URI1: variants seen among roughly 807,000 people sequenced by gnomAD.
URI1 encodes the protein URI1 prefoldin like chaperone.
Under a neutral mutation model 60.2 loss-of-function variants are expected in URI1, and 39 were observed. That is an observed-to-expected ratio of 0.65 (90% CI 0.50 to 0.85). URI1 has a LOEUF of 0.85. Among genes scored for constraint, URI1 ranks in the 40% least tolerant of loss-of-function variants. URI1 has a pLI of 0.00. For missense variants in URI1, 691 were observed against 665.9 expected, an observed-to-expected ratio of 1.04 and a Z score of -0.42; for synonymous variants, 251 against 236.8, an observed-to-expected ratio of 1.06 and a Z score of -0.55.
intron 6 of URI1, among the ~76,000 whole-genome samples, chr19:30,006,901 T>C (rs2055950010): frequency 6.6e-6 from 1 of 152,044 alleles, no homozygotes; most frequent in African/African-American, 2.4e-5. Flanking sequence ...GTTTAAAAAG[T>C]AGAGATGTTC....
chr19:29,945,222 C>T (rs1428404278), intron 1 of URI1, among the ~76,000 whole-genome samples: 1 of 152,228 alleles, frequency 6.6e-6, no homozygotes, highest in Admixed American at 6.5e-5. Flanking sequence ...GAGTTCCTTA[C>T]ACACAGTGGG....
intron 10 of URI1, among the ~76,000 whole-genome samples, chr19:30,013,210 A>C (rs1484514159): frequency 6.6e-6 from 1 of 152,210 alleles, no homozygotes; most frequent in Non-Finnish European, 1.5e-5. Flanking sequence ...TTCAATTTAA[A>C]AAGTATTTAG....
chr19:29,948,011 C>A (rs531578325), intron 1 of URI1, among the ~76,000 whole-genome samples: 1 of 152,142 alleles, frequency 6.6e-6, no homozygotes, highest in African/African-American at 2.4e-5. Context: ...ACCTAGTTGT[C>A]CCATCAGCAT....
chr19:29,936,956 T>C (rs2054978777), intron 1 of URI1, among the ~76,000 whole-genome samples: 1 of 152,170 alleles, frequency 6.6e-6, no homozygotes, highest in Non-Finnish European at 1.5e-5. Flanking sequence ...TTCACCATGT[T>C]GGCCAGGCTG....
At chr19:30,004,514 T>G (rs187873164) in intron 4 of URI1, 2 of 152,204 alleles carry the variant, frequency 1.3e-5, no homozygotes, top group East Asian at 3.9e-4. Context: ...ATTGAGTGCC[T>G]GTTGTAAAAC....
intron 10 of URI1, among the ~76,000 whole-genome samples, chr19:30,013,749 C>G (rs1028437068): frequency 4.6e-5 from 7 of 152,048 alleles, no homozygotes; most frequent in Admixed American, 2.6e-4. Flanking sequence ...TAAAATACCT[C>G]TTTTTCAAAG....
chr19:29,927,952 C>A (rs2054884109), intron 1 of URI1, among the ~76,000 whole-genome samples: 2 of 151,900 alleles, frequency 1.3e-5, no homozygotes, highest in Admixed American at 1.3e-4. Context: ...AGGGATACTA[C>A]ACGACACTCC....
intron 1 of URI1, among the ~76,000 whole-genome samples, chr19:29,955,667 T>C (rs1018066910): frequency 2.0e-5 from 3 of 152,162 alleles, no homozygotes; most frequent in South Asian, 4.1e-4. Context: ...TTTTCTTTTT[T>C]TTTTTCTTTC....
chr19:29,954,918 C>T (rs960653014), intron 1 of URI1, among the ~76,000 whole-genome samples: 3 of 152,068 alleles, frequency 2.0e-5, no homozygotes, highest in African/African-American at 7.2e-5. Flanking sequence ...CTTTCTTATA[C>T]AAAAGGCAGC....
intron 1 of URI1, among the ~76,000 whole-genome samples, chr19:29,957,178 C>G (rs934596961): frequency 2.6e-5 from 4 of 151,974 alleles, no homozygotes; most frequent in Non-Finnish European, 5.9e-5. Flanking sequence ...ACATCTGCAA[C>G]TTTTCTTCTG....
At chr19:29,936,106 G>T (rs2054970157) in intron 1 of URI1, among the ~76,000 whole-genome samples, 1 of 150,628 alleles carries the variant, frequency 6.6e-6, no homozygotes, top group Non-Finnish European at 1.5e-5. Flanking sequence ...ATTTTTTTTT[G>T]AGATGGAGTT....
At position 30,010,949 on chromosome 19, in the gene URI1, A is replaced by G. The variant is rs760856050; in HGVS notation, c.1036-145A>G. The G allele has an allele frequency of 1.8e-5, 15 of 815,030 alleles. No homozygotes were observed. The South Asian group carries it at 2.5e-4, about 13-fold the overall frequency. The allele number at this position is 815,030 out of a possible 1,614,324, so 50.5% of individuals were successfully genotyped here. A position where few individuals can be genotyped will look rare whatever the true frequency, so the allele number is the denominator to read the frequency against. ...AGATAAGGACTTTTTAAAAAATTCC[A>G]TCTGATAATGCACATCATTTCAGCA... On this transcript the variant is annotated intron_variant, in intron 8 of 10. Coordinates refer to ENST00000392271, the MANE Select transcript of URI1 (RefSeq NM_003796.3).
intron 1 of URI1, chr19:29,956,518 G>A: frequency 1.9e-6 from 3 of 1,570,842 alleles, no homozygotes; most frequent in Non-Finnish European, 2.6e-6. Context: ...AATCAAAGCT[G>A]CTGAATTTGA....
intron 10 of URI1, 79 bp downstream of exon 10, chr19:30,012,610 A>C: frequency 6.7e-7 from 1 of 1,501,424 alleles, no homozygotes; most frequent in Non-Finnish European, 8.9e-7. Flanking sequence ...GAAAAGTCAT[A>C]AGATTAAATT....
intron 2 of URI1, chr19:29,983,141 GA>G (rs1460756800): frequency 2.0e-5 from 3 of 152,148 alleles, no homozygotes; most frequent in Admixed American, 6.5e-5. Context: ...TATAGAAAAG[GA>G]TTTTTTTTGG....
chr19:29,985,953 C>T (rs1319225951), intron 3 of URI1, among the ~76,000 whole-genome samples: 4 of 152,174 alleles, frequency 2.6e-5, no homozygotes, highest in African/African-American at 9.7e-5. Context: ...CAATGTTTCA[C>T]TACTAGTTGC....
chr19:29,996,964 T>G (rs919116396), intron 4 of URI1, among the ~76,000 whole-genome samples: 1 of 152,178 alleles, frequency 6.6e-6, no homozygotes, highest in Non-Finnish European at 1.5e-5. Flanking sequence ...AGATCATTCT[T>G]GGTCATGATG....
At chr19:30,008,949 A>G (rs1555747319) in intron 7 of URI1, 56 bp from the exon 8 acceptor site, 2 of 1,337,286 alleles carry the variant, frequency 1.5e-6, no homozygotes, top group Non-Finnish European at 2.0e-6. Context: ...TGGAAATTTA[A>G]ATAATGTAAA....
intron 1 of URI1, among the ~76,000 whole-genome samples, chr19:29,958,871 A>G (rs2086287575): frequency 6.6e-6 from 1 of 151,834 alleles, no homozygotes; most frequent in African/African-American, 2.4e-5. Flanking sequence ...GAGGCATGAG[A>G]ATTGCTTGAA....
Sources: gnomAD v4.1 joint callset for allele counts (sites outside exome capture counted in the v4.1 genomes callset) on GRCh38, gnomAD v4.1.1 for gene constraint, MANE v1.5 for transcripts, NCBI Gene and HGNC (gene_info 2026-07-23, HGNC 2026-07-21) for gene names.